CLIP1: variants seen among roughly 807,000 people sequenced by gnomAD.
CLIP1 encodes CAP-Gly domain-containing linker protein 1.
CLIP1 carries 66 observed loss-of-function variants against 161.6 expected under a neutral mutation model. That is an observed-to-expected ratio of 0.41 (90% CI 0.33 to 0.50). CLIP1 has a LOEUF of 0.50. Among genes scored for constraint, CLIP1 ranks in the 20% least tolerant of loss-of-function variants. The pLI is 0.27. For synonymous variants in CLIP1, 598 were observed against 626.2 expected (o/e 0.96, Z 0.67); for missense variants, 1,376 against 1,702.0 (o/e 0.81, Z 3.37).
chr12:122,407,920 G>A (rs1391816148), intron 1 of CLIP1, among the ~76,000 whole-genome samples: 1 of 151,910 alleles, frequency 6.6e-6, no homozygotes, highest in Non-Finnish European at 1.5e-5. Context: ...ACAACTCCTA[G>A]AAGAATCAAG....
At chr12:122,350,955 T>C (rs1308788956) in intron 9 of CLIP1, 156 bp downstream of exon 9, 1 of 504,066 alleles carries the variant, frequency 2.0e-6, no homozygotes, top group Non-Finnish European at 3.5e-6. Context: ...AGGATATAAA[T>C]GTAATTGCTT....
rs777919319 is a variant in CLIP1, at chr12:122,382,611, CAGG to C, written c.-106-2056_-106-2054del. Among the ~76,000 whole-genome samples, 3 of 151,954 alleles carry C rather than the reference CAGG, an allele frequency of 2.0e-5. No individual in the cohort carries two copies. In the East Asian group the frequency reaches 5.8e-4, roughly 29 times the overall value. ...CCTGTAATCCCAGGTACTCAGGTGG[CAGG>C]AGAATTGGCTGAACCCAGGAGGCAG... is the stretch of plus-strand genomic sequence containing the variant. On this transcript the variant is annotated intron_variant, in intron 1 of 25. Transcript: ENST00000620786.
intron 4 of CLIP1, among the ~76,000 whole-genome samples, chr12:122,363,460 C>T (rs1476026316): frequency 6.6e-6 from 1 of 150,742 alleles, no homozygotes; most frequent in African/African-American, 2.4e-5. Flanking sequence ...GGCGCCACTG[C>T]ACTCCAGCCC....
chr12:122,285,562 C>T (rs1314719551), intron 21 of CLIP1, among the ~76,000 whole-genome samples: 2 of 151,574 alleles, frequency 1.3e-5, no homozygotes, highest in Non-Finnish European at 2.9e-5. Flanking sequence ...TGGTCTTGAA[C>T]TTCTGACCTC....
At chr12:122,306,254 C>T (rs1472271653) in intron 20 of CLIP1, among the ~76,000 whole-genome samples, 1 of 151,958 alleles carries the variant, frequency 6.6e-6, no homozygotes, top group East Asian at 1.9e-4. Context: ...TGTGAGTTAA[C>T]AGTCCTTAAT....
intron 17 of CLIP1, 45 bp downstream of exon 17, chr12:122,327,902 G>A (rs2136731117): frequency 6.3e-7 from 1 of 1,584,576 alleles, no homozygotes; most frequent in East Asian, 2.2e-5. Flanking sequence ...TCGACACAGA[G>A]CTCAGGCAAG....
chr12:122,393,863 GA>G (rs1955775597), intron 1 of CLIP1, among the ~76,000 whole-genome samples: 1 of 127,874 alleles, frequency 7.8e-6, no homozygotes, highest in African/African-American at 2.8e-5. Context: ...GGTTAGCTGA[GA>G]TCAGACCACT....
At chr12:122,420,359 G>A (rs1168408384) in intron 1 of CLIP1, among the ~76,000 whole-genome samples, 1 of 150,944 alleles carries the variant, frequency 6.6e-6, no homozygotes, top group Non-Finnish European at 1.5e-5. Context: ...AAAAAAAAAA[G>A]AGATAAGGAT....
At chr12:122,320,731 TA>T (rs1440594876) in intron 17 of CLIP1, among the ~76,000 whole-genome samples, 1 of 151,034 alleles carries the variant, frequency 6.6e-6, no homozygotes, top group Non-Finnish European at 1.5e-5. Context: ...TTTTTTTTTT[TA>T]GGCAGTCTCA....
At chr12:122,280,108 C>G (rs1229146158) in intron 21 of CLIP1, 1 of 152,228 alleles carries the variant, frequency 6.6e-6, no homozygotes, top group East Asian at 1.9e-4. Context: ...GAGTCTCGCT[C>G]TGTTGCCCAG....
At chr12:122,347,621 G>T in intron 9 of CLIP1, 142 bp from the exon 10 acceptor site, 1 of 652,086 alleles carries the variant, frequency 1.5e-6, no homozygotes, top group South Asian at 1.7e-5. Flanking sequence ...GAAGGGAAGA[G>T]GTGGAGGTGA....
intron 23 of CLIP1, 25 bp from the exon 24 acceptor site, chr12:122,278,228 A>AAC: frequency 1.9e-6 from 3 of 1,574,104 alleles, no homozygotes; most frequent in Non-Finnish European, 2.6e-6. Context: ...AAAAAAAAAA[A>AAC]AAACAAGTGG....
At chr12:122,356,973 G>C (rs1953421166) in intron 5 of CLIP1, among the ~76,000 whole-genome samples, 1 of 152,188 alleles carries the variant, frequency 6.6e-6, no homozygotes, top group African/African-American at 2.4e-5. Context: ...GCAGTAGCGT[G>C]ATCTCGGCTC....
At chr12:122,286,955 A>G (rs1403411862) in intron 21 of CLIP1, among the ~76,000 whole-genome samples, 1 of 151,746 alleles carries the variant, frequency 6.6e-6, no homozygotes, top group Non-Finnish European at 1.5e-5. Context: ...CCGAGATCGC[A>G]CCACTGCACT....
chr12:122,375,505 C>T (rs553477110), intron 3 of CLIP1, among the ~76,000 whole-genome samples: 11 of 151,962 alleles, frequency 7.2e-5, no homozygotes, highest in Non-Finnish European at 1.5e-4. Flanking sequence ...TTAGTAGAGA[C>T]GGGGTTTCAC....
chr12:122,340,428 G>A (rs1394669689), intron 11 of CLIP1, among the ~76,000 whole-genome samples: 1 of 152,066 alleles, frequency 6.6e-6, no homozygotes, highest in African/African-American at 2.4e-5. Flanking sequence ...ATAGTGTTAG[G>A]GCATTCTTTA....
In CLIP1 at chr12:122,351,156, AAAT is replaced by A; in HGVS notation, c.1369-16_1369-14del. 1 of 1,456,366 alleles carries A rather than the reference AAAT, an allele frequency of 6.9e-7. No individual in the cohort carries two copies. The highest frequency in any genetic ancestry group is 1.4e-5 in the South Asian group (1 of 73,520). The allele number at this position is 1,456,366 out of a possible 1,614,324, so 90.2% of individuals were successfully genotyped here. ...TCTGGCTCTTTTGCTATCAGTAAAA[AAAT>A]AAAAAAAATTAAACAACAACAAAAA... On this transcript the variant is annotated splice_polypyrimidine_tract_variant and intron_variant, in intron 8 of 25. Transcript: ENST00000620786.
At chr12:122,348,287 T>G (rs1462988873) in intron 9 of CLIP1, among the ~76,000 whole-genome samples, 1 of 152,208 alleles carries the variant, frequency 6.6e-6, no homozygotes, top group Non-Finnish European at 1.5e-5. Context: ...TTAGTAATAA[T>G]TATCCTCTAT....
rs868586177 is a variant in CLIP1, at chr12:122,378,043, C to T, written c.86-83G>A. On this transcript the variant is annotated intron_variant, in intron 2 of 25. Transcript: ENST00000620786. ...TTAAAGAAAAACTAGAGAAAGCCAA[C>T]AGCCCACAGGAGTAGCCCAGAACTC... 64 of 1,231,446 alleles carry T rather than the reference C, an allele frequency of 5.2e-5. 1 individual carries two copies. The Middle Eastern group carries it at 1.8e-3, about 35-fold the overall frequency. 76.3% of individuals were successfully genotyped at this position (1,231,446 alleles called of 1,614,324 possible).
Sources: allele counts gnomAD v4.1 joint callset (sites outside exome capture counted in the v4.1 genomes callset), GRCh38; gene constraint gnomAD v4.1.1; transcripts MANE v1.5; gene names NCBI Gene and HGNC (gene_info 2026-07-23, HGNC 2026-07-21).